Variants in CLNK observed in about 807,000 individuals in gnomAD.
CLNK encodes the protein cytokine dependent hematopoietic cell linker, also known as cytokine-dependent hematopoietic cell linker.
A neutral mutation model predicts 68.6 loss-of-function variants in CLNK; 74 were observed. That is an observed-to-expected ratio of 1.08 (90% CI 0.89 to 1.31). The LOEUF is 1.31. Among genes scored for constraint, CLNK ranks in the 50% most tolerant of loss-of-function variants. The pLI is 0.00. For missense variants in CLNK, 553 were observed against 515.3 expected, an observed-to-expected ratio of 1.07 and a Z score of -0.71; for synonymous variants, 198 against 172.2, an observed-to-expected ratio of 1.15 and a Z score of -1.17.
chr4:10,677,200 G>C (rs1343502370), intron 1 of CLNK, among the ~76,000 whole-genome samples: 1 of 152,098 alleles, frequency 6.6e-6, no homozygotes, highest in African/African-American at 2.4e-5. Context: ...ACCATTTACA[G>C]GTTGGCCCTG....
intron 7 of CLNK, among the ~76,000 whole-genome samples, chr4:10,561,766 G>A (rs1560217167): frequency 1.3e-5 from 2 of 152,190 alleles, no homozygotes; most frequent in Non-Finnish European, 2.9e-5. Context: ...GCAAATAGTA[G>A]CAGGAAAATA....
At chr4:10,723,882 CAGAGAGAGAGAGAG>C in the CLNK span, among the ~76,000 whole-genome samples, 20 of 70,876 alleles carry the variant, frequency 2.8e-4, 1 homozygote, top group Non-Finnish European at 6.8e-5. Context: ...ACACAGGAGT[CAGAGAGAGAGAGAG>C]AGAGAGAGAG....
chr4:10,539,301 G>T (rs1286830047), intron 11 of CLNK, among the ~76,000 whole-genome samples: 1 of 152,160 alleles, frequency 6.6e-6, no homozygotes, highest in Admixed American at 6.5e-5. Flanking sequence ...TGGAGGAAAT[G>T]GTGAAGAGAC....
At chr4:10,591,269 G>T (rs1464252822) in intron 3 of CLNK, among the ~76,000 whole-genome samples, 1 of 152,172 alleles carries the variant, frequency 6.6e-6, no homozygotes, top group Non-Finnish European at 1.5e-5. Context: ...TAGGGAATAG[G>T]TATGATGGCC....
chr4:10,719,683 G>A, the CLNK span, among the ~76,000 whole-genome samples: 29 of 152,188 alleles, frequency 1.9e-4, no homozygotes, highest in African/African-American at 6.5e-4. Context: ...AACTATCAAG[G>A]GTATAGAAGA....
At chr4:10,531,350 T>C (rs1718530695) in intron 12 of CLNK, 1 of 153,168 alleles carries the variant, frequency 6.5e-6, no homozygotes, top group African/African-American at 2.4e-5. Flanking sequence ...CACCTGGCCA[T>C]TTGTGCACTA....
At chr4:10,495,911 G>T (rs1034785437) in intron 18 of CLNK, among the ~76,000 whole-genome samples, 1 of 152,158 alleles carries the variant, frequency 6.6e-6, no homozygotes, top group Non-Finnish European at 1.5e-5. Context: ...GACAAGGATT[G>T]CTGGCAGCCA....
At chr4:10,517,741 C>A (rs1475729766) in intron 15 of CLNK, among the ~76,000 whole-genome samples, 1 of 152,134 alleles carries the variant, frequency 6.6e-6, no homozygotes, top group Non-Finnish European at 1.5e-5. Flanking sequence ...TCTTTTTTAA[C>A]CTTCAGTGCC....
intron 18 of CLNK, among the ~76,000 whole-genome samples, chr4:10,494,787 G>A (rs1198695632): frequency 6.6e-6 from 1 of 152,128 alleles, no homozygotes; most frequent in African/African-American, 2.4e-5. Flanking sequence ...GGTTTCTAAT[G>A]ATGGGGTCAA....
chr4:10,597,998 G>A lies in CLNK; in HGVS notation c.63C>T (p.Asn21=), dbSNP rs1373387518. The A allele has an allele frequency of 1.9e-6, 3 of 1,586,610 alleles. No individual in the cohort carries two copies. Among genetic ancestry groups the A allele is most frequent in the South Asian group, 1.2e-5 (1 of 86,856 alleles). ...KEGSNDLKFQ[N]FSLPKNRSWP... is the part of the protein sequence containing the mutation. ...CTGACCTGTTTTTTGGCAGACTGAA[G>A]TTCTGGAATTTCAAATCGTTGGATC... Residue 21 remains asparagine (N), a synonymous_variant, in exon 3 of 19, where the codon AAC becomes AAT. Coordinates refer to ENST00000226951, the MANE Select transcript of CLNK (RefSeq NM_052964.4).
intron 15 of CLNK, among the ~76,000 whole-genome samples, chr4:10,514,835 T>C (rs954554074): frequency 1.3e-5 from 2 of 151,426 alleles, no homozygotes; most frequent in Non-Finnish European, 2.9e-5. Flanking sequence ...TGGGAGAAAA[T>C]TTTCGCAACC....
intron 2 of CLNK, among the ~76,000 whole-genome samples, chr4:10,621,572 C>T (rs1181148201): frequency 1.3e-5 from 2 of 152,174 alleles, no homozygotes; most frequent in Non-Finnish European, 2.9e-5. Context: ...ATGCTAGTCA[C>T]TGGAATCTGC....
intron 8 of CLNK, among the ~76,000 whole-genome samples, chr4:10,553,511 G>A (rs1262720531): frequency 6.6e-6 from 1 of 151,738 alleles, no homozygotes; most frequent in African/African-American, 2.4e-5. Context: ...GAGTGCAGTG[G>A]CGCAATCTTG....
chr4:10,713,879 C>T, the CLNK span, among the ~76,000 whole-genome samples: 3 of 152,180 alleles, frequency 2.0e-5, no homozygotes, highest in East Asian at 1.9e-4. Context: ...TACCAATTGT[C>T]AGATCTCAGG....
intron 2 of CLNK, among the ~76,000 whole-genome samples, chr4:10,601,457 G>A (rs1266720109): frequency 6.6e-6 from 1 of 152,168 alleles, no homozygotes; most frequent in East Asian, 1.9e-4. Context: ...AGAGCAACAA[G>A]CATTACCAGG....
At chr4:10,542,547 T>C (rs1401816549) in intron 8 of CLNK, among the ~76,000 whole-genome samples, 2 of 151,958 alleles carry the variant, frequency 1.3e-5, no homozygotes, top group Non-Finnish European at 2.9e-5. Flanking sequence ...AGCGAGTAAA[T>C]GGTACAATGA....
chr4:10,646,046 T>A (rs1478827058), intron 2 of CLNK, among the ~76,000 whole-genome samples: 1 of 152,146 alleles, frequency 6.6e-6, no homozygotes, highest in Non-Finnish European at 1.5e-5. Context: ...TCTAACATTA[T>A]GAATGGAAGA....
the CLNK span, among the ~76,000 whole-genome samples, chr4:10,691,554 C>T: frequency 1.3e-5 from 2 of 151,630 alleles, no homozygotes; most frequent in African/African-American, 2.4e-5. Context: ...TTATCTTGAG[C>T]AGAGCCTTGT....
chr4:10,590,345 A>G (rs538966242), intron 3 of CLNK, among the ~76,000 whole-genome samples: 1 of 152,356 alleles, frequency 6.6e-6, no homozygotes, highest in South Asian at 2.1e-4. Context: ...TAGACAGGGC[A>G]TGCTTGCCTT....
Sources: gnomAD v4.1 joint callset for allele counts (sites outside exome capture counted in the v4.1 genomes callset) on GRCh38, gnomAD v4.1.1 for gene constraint, MANE v1.5 for transcripts, NCBI Gene and HGNC (gene_info 2026-07-23, HGNC 2026-07-21) for gene names.